The following TENM3 variants were observed in gnomAD, a reference collection of about 807,000 sequenced individuals.
TENM3 encodes the protein teneurin-3.
TENM3 carries 63 observed loss-of-function variants against 255.1 expected under a neutral mutation model. The observed-to-expected ratio is 0.25, with a 90% CI of 0.20 to 0.30. TENM3 has a LOEUF of 0.30. Among genes scored for constraint, TENM3 ranks in the 10% least tolerant of loss-of-function variants. TENM3 has a pLI of 1.00. For missense variants in TENM3, 2,929 were observed against 3,461.1 expected (o/e 0.85, Z 3.86); for synonymous variants, 1,306 against 1,322.3 (o/e 0.99, Z 0.27).
At chr4:181,614,822 A>G in the TENM3 span, among the ~76,000 whole-genome samples, 81,434 of 152,030 alleles carry the variant, frequency 0.54, 22,579 homozygotes, top group Admixed American at 0.63. Flanking sequence ...AGCTCCTTCA[A>G]CTGCAAATTT....
At chr4:182,166,041 G>C (rs1035503793) in intron 1 of TENM3, among the ~76,000 whole-genome samples, 2 of 152,100 alleles carry the variant, frequency 1.3e-5, no homozygotes, top group African/African-American at 2.4e-5. Flanking sequence ...GCCTCCCAAA[G>C]TGCTGGGATT....
At chr4:182,700,886 A>G (rs540125378) in intron 12 of TENM3, among the ~76,000 whole-genome samples, 3 of 152,250 alleles carry the variant, frequency 2.0e-5, no homozygotes, top group South Asian at 2.1e-4. Flanking sequence ...CATCAAAACT[A>G]TGCCTAGTTG....
intron 22 of TENM3, among the ~76,000 whole-genome samples, chr4:182,755,726 G>C (rs1762693882): frequency 6.6e-6 from 1 of 152,102 alleles, no homozygotes; most frequent in South Asian, 2.1e-4. Context: ...TGTAGTCCCA[G>C]CTACTCGGGA....
chr4:181,968,591 C>T, the TENM3 span, among the ~76,000 whole-genome samples: 2 of 152,016 alleles, frequency 1.3e-5, no homozygotes, highest in Non-Finnish European at 2.9e-5. Flanking sequence ...ATGCTAACCG[C>T]AGAGAATACA....
chr4:181,849,920 C>A, the TENM3 span, among the ~76,000 whole-genome samples: 1 of 92,922 alleles, frequency 1.1e-5, no homozygotes, highest in Non-Finnish European at 2.3e-5. Context: ...AAAAGCATCT[C>A]TCTCTCTCTT....
chr4:181,792,977 G>A, the TENM3 span, among the ~76,000 whole-genome samples: 2 of 149,876 alleles, frequency 1.3e-5, no homozygotes, highest in East Asian at 1.9e-4. Flanking sequence ...TTTTTTTCCT[G>A]GAAAAGACTG....
intron 3 of TENM3, among the ~76,000 whole-genome samples, chr4:182,463,685 G>A (rs1023040982): frequency 1.1e-4 from 16 of 151,612 alleles, no homozygotes; most frequent in East Asian, 3.9e-4. Flanking sequence ...GTGCAGTGGC[G>A]CAATCTCGGC....
At chr4:181,953,645 A>C in the TENM3 span, among the ~76,000 whole-genome samples, 2 of 151,950 alleles carry the variant, frequency 1.3e-5, no homozygotes, top group African/African-American at 4.8e-5. Context: ...GCGCCACTGC[A>C]CTCCAGCCTG....
rs189480567 is a variant in TENM3 at position 182,743,357 on chromosome 4, C to T, written c.3567C>T (p.Gly1189=). The T allele has an allele frequency of 5.0e-6, 8 of 1,613,800 alleles. No individual in the cohort carries two copies. Among genetic ancestry groups the T allele is most frequent in the Middle Eastern group, 1.6e-4 (1 of 6,062 alleles). The change falls in exon 19 of 28, where the codon GGC becomes GGT. Residue 1189 remains glycine, a synonymous_variant. Transcript: ENST00000511685. ...GGATCGATGGCAGTCTGTACGTAGG[C>T]GATTTCAACTATGTGCGGCGGATAT... The part of the protein sequence containing the change: ...ACGIDGSLYV[G]DFNYVRRIFP...
chr4:181,986,507 C>G, the TENM3 span, among the ~76,000 whole-genome samples: 1 of 152,064 alleles, frequency 6.6e-6, no homozygotes, highest in African/African-American at 2.4e-5. Context: ...AGAACATCCT[C>G]ATATCCAAGT....
chr4:182,495,718 G>T (rs548231886), intron 3 of TENM3, among the ~76,000 whole-genome samples: 1 of 152,260 alleles, frequency 6.6e-6, no homozygotes, highest in Admixed American at 6.5e-5. Context: ...ATGTGTATTG[G>T]CCTTCATTTG....
At chr4:182,438,757 A>C (rs1158567398) in intron 3 of TENM3, among the ~76,000 whole-genome samples, 1 of 152,230 alleles carries the variant, frequency 6.6e-6, no homozygotes, top group Non-Finnish European at 1.5e-5. Flanking sequence ...TGACATAGTG[A>C]TATATTGATC....
At chr4:182,543,166 G>A (rs1322882199) in intron 3 of TENM3, among the ~76,000 whole-genome samples, 2 of 151,994 alleles carry the variant, frequency 1.3e-5, no homozygotes. Context: ...TGCATGGATG[G>A]ATGCATGGAT....
Position 182,792,699 on chromosome 4 carries a change from A to G in TENM3, c.6027A>G (p.Glu2009=). The G allele has an allele frequency of 6.2e-7, 1 of 1,613,998 alleles. No homozygotes were observed. Among genetic ancestry groups the G allele is most frequent in the African/African-American group, 1.3e-5 (1 of 75,060 alleles). ...ACAGGCAGATTTTCCGCTTTAGTGA[A>G]GATGGGATGGTAAATGCAAGATTTG... ...LIDRQIFRFS[E]DGMVNARFDY... The change falls in exon 26 of 28, where the codon GAA becomes GAG. Residue 2009 remains glutamate, a synonymous_variant. Coordinates refer to ENST00000511685, the MANE Select transcript of TENM3 (RefSeq NM_001080477.4). The surrounding 1 kb of genome is among the most constrained non-coding windows in gnomAD (Gnocchi z 6.3).
Position 182,789,005 on chromosome 4 carries a change from A to G in TENM3, c.5305-88A>G. Reference sequence around the variant, plus strand: ...GTTAATTTACTGACAAAGAGAATCAATCATCGTAAATGGTGTTTAAACAAT... The same window carrying G: ...GTTAATTTACTGACAAAGAGAATCAGTCATCGTAAATGGTGTTTAAACAAT... On this transcript the variant is annotated intron_variant, in intron 24 of 27. Coordinates refer to ENST00000511685, the MANE Select transcript of TENM3 (RefSeq NM_001080477.4). This position sits in a 1 kb window ranked among gnomAD's most constrained non-coding sequence, Gnocchi z 4.4. 1 of 1,173,796 alleles carries G rather than the reference A, an allele frequency of 8.5e-7. No individual in the cohort carries two copies. Among genetic ancestry groups the G allele is most frequent in the Non-Finnish European group, 1.2e-6 (1 of 853,208 alleles). 72.7% of individuals were successfully genotyped at this position (1,173,796 alleles called of 1,614,324 possible).
chr4:181,537,955 C>G, the TENM3 span, among the ~76,000 whole-genome samples: 1 of 151,836 alleles, frequency 6.6e-6, no homozygotes, highest in South Asian at 2.1e-4. Context: ...TGAAATGTAC[C>G]CTTCATACGT....
the TENM3 span, among the ~76,000 whole-genome samples, chr4:181,864,415 AT>A: frequency 6.6e-6 from 1 of 152,202 alleles, no homozygotes; most frequent in East Asian, 1.9e-4. Flanking sequence ...ACAGACTTGA[AT>A]AACCCAGGAG....
At chr4:181,535,804 T>G in the TENM3 span, among the ~76,000 whole-genome samples, 1 of 152,254 alleles carries the variant, frequency 6.6e-6, no homozygotes, top group African/African-American at 2.4e-5. Flanking sequence ...CCCTACTTCC[T>G]TAGATGTCAT....
At chr4:182,391,861 A>G (rs1266475993) in intron 3 of TENM3, among the ~76,000 whole-genome samples, 1 of 152,120 alleles carries the variant, frequency 6.6e-6, no homozygotes. Flanking sequence ...CTTCCTCTAC[A>G]AAATGGGCAA....
Sources: gnomAD v4.1 joint callset for allele counts (sites outside exome capture counted in the v4.1 genomes callset) on GRCh38, gnomAD v4.1.1 for gene constraint, Gnocchi (gnomAD v3.1) non-coding constraint, MANE v1.5 for transcripts, NCBI Gene and HGNC (gene_info 2026-07-23, HGNC 2026-07-21) for gene names.